Variants in ANKRD62 observed in about 807,000 individuals in gnomAD.
ANKRD62 encodes ankyrin repeat domain-containing protein 62.
ANKRD62 carries 61 observed loss-of-function variants against 98.8 expected under a neutral mutation model. The ratio of observed to expected loss-of-function variants is 0.62; its 90% CI spans 0.50 to 0.76. ANKRD62 has a LOEUF of 0.76. Ranked by LOEUF, ANKRD62 falls within the 30% of genes least tolerant of loss-of-function variation. The pLI is 0.00. For synonymous variants in ANKRD62, 341 were observed against 367.9 expected, an observed-to-expected ratio of 0.93 and a Z score of 0.84; for missense variants, 933 against 1,082.9, an observed-to-expected ratio of 0.86 and a Z score of 1.94.
the ANKRD62 span, among the ~76,000 whole-genome samples, chr18:12,134,880 A>G: frequency 6.6e-6 from 1 of 152,146 alleles, no homozygotes; most frequent in South Asian, 2.1e-4. Flanking sequence ...TCCTTTGGGT[A>G]TATACCCAGT....
the ANKRD62 span, among the ~76,000 whole-genome samples, chr18:12,145,775 G>A: frequency 6.6e-6 from 1 of 151,922 alleles, no homozygotes; most frequent in Admixed American, 6.6e-5. Flanking sequence ...ACCAACCTGC[G>A]GCAGAAGTGT....
At chr18:12,107,530 T>C in intron 8 of ANKRD62, 63 bp downstream of exon 8, 1 of 1,246,204 alleles carries the variant, frequency 8.0e-7, no homozygotes, top group Non-Finnish European at 1.0e-6. Flanking sequence ...TGAATTCTAA[T>C]TTGGGTTAAT....
intron 13 of ANKRD62, among the ~76,000 whole-genome samples, chr18:12,127,465 C>T (rs978113295): frequency 4.6e-5 from 7 of 152,310 alleles, no homozygotes; most frequent in African/African-American, 1.7e-4. Flanking sequence ...CACCCACATA[C>T]CTGTTTCTTT....
intron 10 of ANKRD62, among the ~76,000 whole-genome samples, chr18:12,116,938 T>C (rs557123411): frequency 1.3e-5 from 2 of 152,310 alleles, no homozygotes; most frequent in South Asian, 4.1e-4. Flanking sequence ...TTCTCAGTAA[T>C]ATTTTGTAGT....
the ANKRD62 span, among the ~76,000 whole-genome samples, chr18:12,138,505 G>A: frequency 0.61 from 93,265 of 151,958 alleles, 29,066 homozygotes; most frequent in Middle Eastern, 0.76. Flanking sequence ...TGTGGTGCTG[G>A]AAAGAATGTA....
At chr18:12,116,872 G>A (rs1410493196) in intron 10 of ANKRD62, among the ~76,000 whole-genome samples, 1 of 152,074 alleles carries the variant, frequency 6.6e-6, no homozygotes, top group Non-Finnish European at 1.5e-5. Context: ...TAACAATAAT[G>A]AATCTTCCTA....
chr18:12,121,914 C>T (rs1297691038), intron 10 of ANKRD62, among the ~76,000 whole-genome samples: 1 of 152,182 alleles, frequency 6.6e-6, no homozygotes. Flanking sequence ...CTAGCCAGAG[C>T]GCTTTGCTTC....
chr18:12,131,284 T>C (rs1407879108), downstream of ANKRD62, among the ~76,000 whole-genome samples: 1 of 152,172 alleles, frequency 6.6e-6, no homozygotes, highest in African/African-American at 2.4e-5. Flanking sequence ...ACTGCAGAAG[T>C]AGATGAAGGT....
chr18:12,155,531 G>GTCCC, the ANKRD62 span, among the ~76,000 whole-genome samples: 1 of 152,128 alleles, frequency 6.6e-6, no homozygotes, highest in African/African-American at 2.4e-5. Context: ...GGGCTTCCTT[G>GTCCC]TCCCCATGGG....
At chr18:12,127,678 T>C (rs1280944286) in intron 13 of ANKRD62, 70 bp from the exon 14 acceptor site, 3 of 1,205,140 alleles carry the variant, frequency 2.5e-6, no homozygotes, top group African/African-American at 3.1e-5. Flanking sequence ...TATATTAGAG[T>C]TAAATATTAT....
chr18:12,130,149 G>A (rs868792505), downstream of ANKRD62, among the ~76,000 whole-genome samples: 12 of 152,188 alleles, frequency 7.9e-5, no homozygotes, highest in Middle Eastern at 3.4e-3. Flanking sequence ...ATTTTGAAAT[G>A]CATAAATTTT....
the ANKRD62 span, among the ~76,000 whole-genome samples, chr18:12,168,926 G>A: frequency 1.3e-4 from 20 of 151,950 alleles, no homozygotes; most frequent in Middle Eastern, 0.014. Flanking sequence ...TCATGATTTG[G>A]CTCTGTTTGT....
chr18:12,114,117 A>G (rs1198696937), intron 8 of ANKRD62, among the ~76,000 whole-genome samples: 2 of 152,196 alleles, frequency 1.3e-5, no homozygotes, highest in Non-Finnish European at 2.9e-5. Context: ...ATAGGAGCAA[A>G]ACACACTGGC....
At chr18:12,151,925 T>C in the ANKRD62 span, among the ~76,000 whole-genome samples, 1 of 151,990 alleles carries the variant, frequency 6.6e-6, no homozygotes, top group South Asian at 2.1e-4. Flanking sequence ...GAGTAACTAC[T>C]AAAAATGCTT....
the ANKRD62 span, among the ~76,000 whole-genome samples, chr18:12,161,842 A>G: frequency 6.6e-6 from 1 of 152,170 alleles, no homozygotes; most frequent in East Asian, 1.9e-4. Flanking sequence ...ATGTTGTTGC[A>G]GATGACAGGA....
chr18:12,115,330 T>C, intron 9 of ANKRD62, 63 bp from the exon 10 acceptor site: 1 of 1,405,614 alleles, frequency 7.1e-7, no homozygotes, highest in East Asian at 2.5e-5. Context: ...CCCACTGGTG[T>C]ATATTTAGTA....
chr18:12,131,077 C>A (rs1451417943), downstream of ANKRD62, among the ~76,000 whole-genome samples: 1 of 152,120 alleles, frequency 6.6e-6, no homozygotes, highest in Non-Finnish European at 1.5e-5. Flanking sequence ...CAGGTGTGGA[C>A]CTTTCCCGTT....
chr18:12,127,812 C>T lies in ANKRD62; in HGVS notation c.2627C>T (p.Ala876Val). 6.6e-7 allele frequency: 1 copy of T among 1,510,230 alleles called. No homozygotes were observed. The highest frequency in any genetic ancestry group is 8.8e-7 in the Non-Finnish European group (1 of 1,136,154). The allele number at this position is 1,510,230 out of a possible 1,614,324, so 93.6% of individuals were successfully genotyped here. A position where few individuals can be genotyped will look rare whatever the true frequency, so the allele number is the denominator to read the frequency against. Residue 876 changes from alanine (A) to valine (V), a missense_variant, in exon 14 of 14, where the codon GCT becomes GTT. Ala to Val is a moderately conservative substitution (Grantham distance 64). Transcript: ENST00000587848. The stretch of plus-strand genomic sequence containing the variant: ...CTGAACAAACAATTGCTGTTAGAAG[C>T]TATGCTAGAGATTTCATCAGAACGT... ...DALNKQLLLE[A>V]MLEISSERRI...
chr18:12,130,011 A>G (rs935020651), downstream of ANKRD62, among the ~76,000 whole-genome samples: 18 of 152,216 alleles, frequency 1.2e-4, no homozygotes, highest in African/African-American at 4.1e-4. Context: ...GCAAAAGTAC[A>G]GTTTAAAGCA....
Sources: allele counts gnomAD v4.1 joint callset (sites outside exome capture counted in the v4.1 genomes callset), GRCh38; gene constraint gnomAD v4.1.1; transcripts MANE v1.5; gene names NCBI Gene and HGNC (gene_info 2026-07-23, HGNC 2026-07-21).